C6: variants seen among roughly 807,000 people sequenced by gnomAD.
C6 encodes the protein complement C6.
In C6, 101 loss-of-function variants were observed where a neutral mutation model predicts 112.9. The observed-to-expected ratio is 0.89, with a 90% confidence interval of 0.76 to 1.06. The LOEUF (loss-of-function observed/expected upper bound fraction) is 1.06, where lower values mean the gene tolerates loss of function less well. C6 is among the 50% of genes least tolerant of loss of function. C6 has a pLI of 0.00. For synonymous variants in C6, 431 were observed against 384.1 expected, an observed-to-expected ratio of 1.12 and a Z score of -1.43; for missense variants, 1,202 against 1,104.6, an observed-to-expected ratio of 1.09 and a Z score of -1.25.
At chr5:41,231,289 GTC>G (rs1373701528) in intron 1 of C6, among the ~76,000 whole-genome samples, 2 of 151,762 alleles carry the variant, frequency 1.3e-5, no homozygotes, top group African/African-American at 2.4e-5. Flanking sequence ...TTCTCTTACT[GTC>G]TTACTTTGAG....
At chr5:41,210,062 A>G (rs2150388061) in intron 1 of C6, among the ~76,000 whole-genome samples, 1 of 152,276 alleles carries the variant, frequency 6.6e-6, no homozygotes, top group Admixed American at 6.5e-5. Context: ...AAATAATACC[A>G]CACGTCTACA....
At chr5:41,221,312 A>T (rs1739153317) in intron 1 of C6, among the ~76,000 whole-genome samples, 1 of 152,158 alleles carries the variant, frequency 6.6e-6, no homozygotes, top group South Asian at 2.1e-4. Flanking sequence ...AACAGGGATG[A>T]TATTTCCCTC....
At chr5:41,211,932 T>A (rs572636243) in intron 1 of C6, among the ~76,000 whole-genome samples, 2 of 152,162 alleles carry the variant, frequency 1.3e-5, no homozygotes, top group East Asian at 3.9e-4. Context: ...TATGGGTGAG[T>A]TTTATTCCAA....
Position 41,158,671 on chromosome 5 carries a change from G to A in C6, c.1968+3C>T, listed in dbSNP as rs370338066. The A allele has an allele frequency of 1.4e-5, 22 of 1,565,082 alleles. No individual in the cohort carries two copies. The highest frequency in any genetic ancestry group is 2.2e-5 in the East Asian group (1 of 44,620). ...AACCAAAAGTGAGGTTTAGGATGCT[G>A]ACCCGGATAAATCCATTTTCTGGAG... On this transcript the variant is annotated splice_donor_region_variant and intron_variant, in intron 13 of 17. Coordinates refer to ENST00000337836, the MANE Select transcript of C6 (RefSeq NM_000065.5).
chr5:41,261,084 C>T (rs2150449800), intron 1 of C6: 2 of 503,884 alleles, frequency 4.0e-6, no homozygotes, highest in Non-Finnish European at 5.1e-6. Flanking sequence ...TGAACTACTG[C>T]CTTTGTAAAC....
At chr5:41,161,975 C>T (rs1218205919) in intron 9 of C6, 116 bp from the exon 10 acceptor site, 1 of 965,162 alleles carries the variant, frequency 1.0e-6, no homozygotes, top group African/African-American at 1.6e-5. Context: ...CAGTATGTAG[C>T]TCCATTAAGA....
chr5:41,172,734 C>A (rs1748533674), intron 8 of C6: 2 of 294,456 alleles, frequency 6.8e-6, no homozygotes, highest in Admixed American at 4.5e-5. Context: ...TGTAGCCCTG[C>A]AAATCAAAAG....
At chr5:41,260,741 C>T (rs910991898) in intron 1 of C6, among the ~76,000 whole-genome samples, 2 of 151,480 alleles carry the variant, frequency 1.3e-5, no homozygotes, top group African/African-American at 2.4e-5. Context: ...CGCCATTGCA[C>T]TCCAGCCTGG....
At chr5:41,176,998 T>C (rs1748914056) in intron 7 of C6, among the ~76,000 whole-genome samples, 1 of 152,210 alleles carries the variant, frequency 6.6e-6, no homozygotes, top group Admixed American at 6.5e-5. Context: ...AAAAAAGTCA[T>C]CTTTCTCTCC....
chr5:41,229,935 G>A (rs553531115), intron 1 of C6, among the ~76,000 whole-genome samples: 8 of 152,226 alleles, frequency 5.3e-5, no homozygotes, highest in Middle Eastern at 3.4e-3. Flanking sequence ...AAATTGTGAA[G>A]GTTTCATGGA....
At chr5:41,155,201 A>T in intron 13 of C6, 97 bp from the exon 14 acceptor site, 1 of 1,164,378 alleles carries the variant, frequency 8.6e-7, no homozygotes, top group Non-Finnish European at 1.3e-6. Flanking sequence ...TCACTTCTGG[A>T]TCTACTCAGT....
chr5:41,207,222 A>G (rs1270447396), intron 1 of C6, among the ~76,000 whole-genome samples: 1 of 152,210 alleles, frequency 6.6e-6, no homozygotes, highest in Non-Finnish European at 1.5e-5. Flanking sequence ...GAGCTCCTGA[A>G]GGAAGCACTA....
chr5:41,230,822 A>G (rs1334122759), intron 1 of C6, among the ~76,000 whole-genome samples: 1 of 152,096 alleles, frequency 6.6e-6, no homozygotes, highest in African/African-American at 2.4e-5. Flanking sequence ...CTCTCTTTGT[A>G]TGCTTTCTCT....
intron 9 of C6, 36 bp downstream of exon 9, chr5:41,172,189 C>T (rs199532328): frequency 1.2e-6 from 2 of 1,611,166 alleles, no homozygotes; most frequent in South Asian, 1.1e-5. Context: ...AGGCTCAGGG[C>T]ACACTGGATA....
At chr5:41,186,436 C>T in intron 5 of C6, 1 of 539,742 alleles carries the variant, frequency 1.9e-6, no homozygotes, top group Non-Finnish European at 3.3e-6. Context: ...TCCTATTCCA[C>T]TTACTTAATT....
chr5:41,144,804 T>C (rs994409056), intron 17 of C6, among the ~76,000 whole-genome samples: 1 of 152,182 alleles, frequency 6.6e-6, no homozygotes, highest in Non-Finnish European at 1.5e-5. Context: ...TCTCATTGTT[T>C]AGCTCCTGCT....
At chr5:41,216,727 C>G (rs988104213), upstream of C6, among the ~76,000 whole-genome samples, 2 of 152,070 alleles carry the variant, frequency 1.3e-5, no homozygotes, top group Non-Finnish European at 1.5e-5. Context: ...CCACTTCCAG[C>G]CATTATGAAA....
intron 1 of C6, among the ~76,000 whole-genome samples, chr5:41,208,909 A>G (rs1260976322): frequency 6.6e-6 from 1 of 152,062 alleles, no homozygotes; most frequent in African/African-American, 2.4e-5. Context: ...CCTGGCAGAG[A>G]CACAACGAAA....
chr5:41,172,223 A>T lies in C6; in HGVS notation c.1291+2T>A. 1 of 1,604,074 alleles carries T rather than the reference A, an allele frequency of 6.2e-7. No homozygotes were observed. The highest frequency in any genetic ancestry group is 8.5e-7 in the Non-Finnish European group (1 of 1,170,840). On this transcript the variant is annotated splice_donor_variant, in intron 9 of 17. Transcript: ENST00000337836. LOFTEE classifies it high-confidence loss of function. ...TAAGCTGCTAAGAGAGAGTACTGTTACCTTCATGTTTCTCTGACAGCTTGT... is the reference window on the plus strand; with the variant it reads ...TAAGCTGCTAAGAGAGAGTACTGTTTCCTTCATGTTTCTCTGACAGCTTGT...
Sources: allele counts gnomAD v4.1 joint callset (sites outside exome capture counted in the v4.1 genomes callset), GRCh38; gene constraint gnomAD v4.1.1; transcripts MANE v1.5; gene names NCBI Gene and HGNC (gene_info 2026-07-23, HGNC 2026-07-21).